The following GRIN2A variants were observed in gnomAD, a reference collection of about 807,000 sequenced individuals.
The protein encoded by GRIN2A is glutamate receptor ionotropic, NMDA 2A.
In GRIN2A, 22 loss-of-function variants were observed where a neutral mutation model predicts 113.4. The ratio of observed to expected loss-of-function variants is 0.19; its 90% CI spans 0.14 to 0.28. The LOEUF (loss-of-function observed/expected upper bound fraction) is 0.28. GRIN2A is among the 10% of genes least tolerant of loss of function. The probability of loss-of-function intolerance (pLI) is 1.00; values close to 1 mark genes in which losing one functional copy is unlikely to be tolerated. For missense variants in GRIN2A, 1,502 were observed against 1,887.0 expected (o/e 0.80, Z 3.78); for synonymous variants, 827 against 738.4 (o/e 1.12, Z -1.94).
chr16:9,899,678 A>G (rs1174400878), intron 3 of GRIN2A, among the ~76,000 whole-genome samples: 1 of 152,092 alleles, frequency 6.6e-6, no homozygotes, highest in African/African-American at 2.4e-5. Flanking sequence ...TAGGACACAA[A>G]ATAGAAATCT....
At chr16:10,002,106 G>C (rs2046330889) in intron 2 of GRIN2A, among the ~76,000 whole-genome samples, 3 of 152,152 alleles carry the variant, frequency 2.0e-5, no homozygotes. Flanking sequence ...GCTCTTACCA[G>C]GTGAACCTTG....
intron 3 of GRIN2A, among the ~76,000 whole-genome samples, chr16:9,919,674 C>T (rs1427727865): frequency 6.6e-6 from 1 of 152,224 alleles, no homozygotes; most frequent in Admixed American, 6.5e-5. Flanking sequence ...CAGTACCTTA[C>T]TTCCCCGCTA....
intron 2 of GRIN2A, among the ~76,000 whole-genome samples, chr16:10,015,995 A>C (rs2046602950): frequency 6.6e-6 from 1 of 152,028 alleles, no homozygotes; most frequent in African/African-American, 2.4e-5. Context: ...AAGTGCCTGT[A>C]ATCTCAGCTA....
intron 8 of GRIN2A, among the ~76,000 whole-genome samples, chr16:9,833,372 T>C (rs1415068517): frequency 3.9e-5 from 6 of 152,260 alleles, no homozygotes; most frequent in African/African-American, 1.4e-4. Flanking sequence ...GTTATATTTA[T>C]TGTCAAACTA....
chr16:9,848,197 T>A (rs2042810881), intron 5 of GRIN2A, among the ~76,000 whole-genome samples: 1 of 149,552 alleles, frequency 6.7e-6, no homozygotes, highest in Non-Finnish European at 1.5e-5. Context: ...ATGTATAATG[T>A]TTATATATTT....
At chr16:10,040,010 T>C (rs2047125285) in intron 2 of GRIN2A, among the ~76,000 whole-genome samples, 1 of 94,920 alleles carries the variant, frequency 1.1e-5, no homozygotes, top group Non-Finnish European at 2.5e-5. Context: ...AACACACACA[T>C]CCACACACCA....
chr16:10,078,510 G>A (rs61508637), intron 2 of GRIN2A, among the ~76,000 whole-genome samples: 1 of 151,900 alleles, frequency 6.6e-6, no homozygotes, highest in African/African-American at 2.4e-5. Flanking sequence ...TGAGATGCAG[G>A]AGGGAAGGAG....
intron 2 of GRIN2A, among the ~76,000 whole-genome samples, chr16:10,098,819 A>G (rs1035765630): frequency 6.6e-6 from 1 of 152,146 alleles, no homozygotes; most frequent in Non-Finnish European, 1.5e-5. Context: ...AAGGGTGGTG[A>G]GGAATAAAAG....
intron 3 of GRIN2A, among the ~76,000 whole-genome samples, chr16:9,920,178 C>A (rs2044332119): frequency 6.6e-6 from 1 of 152,126 alleles, no homozygotes; most frequent in Admixed American, 6.6e-5. Flanking sequence ...ATAGCAAGTG[C>A]ACAATAGCTG....
At chr16:9,843,902 C>T (rs574275401) in intron 5 of GRIN2A, among the ~76,000 whole-genome samples, 136 of 152,308 alleles carry the variant, frequency 8.9e-4, no homozygotes, top group Non-Finnish European at 1.0e-3. Context: ...AGAAATGTGT[C>T]CTAAGTACAT....
chr16:10,053,719 T>C (rs1235452117), intron 2 of GRIN2A, among the ~76,000 whole-genome samples: 1 of 152,232 alleles, frequency 6.6e-6, no homozygotes, highest in Non-Finnish European at 1.5e-5. Flanking sequence ...ACTCATGAAA[T>C]GCAGTAAAAG....
At chr16:9,936,849 G>T (rs1276426600) in intron 3 of GRIN2A, among the ~76,000 whole-genome samples, 2 of 152,198 alleles carry the variant, frequency 1.3e-5, no homozygotes, top group Non-Finnish European at 2.9e-5. Flanking sequence ...TAACATGTTG[G>T]TGAGGATGTG....
At chr16:9,846,485 C>G (rs570936048) in intron 5 of GRIN2A, among the ~76,000 whole-genome samples, 1 of 152,204 alleles carries the variant, frequency 6.6e-6, no homozygotes, top group Non-Finnish European at 1.5e-5. Flanking sequence ...GATCTGGGCA[C>G]TTGCATCTTG....
At position 9,807,152 on chromosome 16, in the gene GRIN2A, C is replaced by T. The variant is rs112994459; in HGVS notation, c.2169-8688G>A. Among the ~76,000 whole-genome samples, 17 of 144,032 alleles carry T rather than the reference C, an allele frequency of 1.2e-4. No homozygotes were observed. The East Asian group carries it at 1.8e-3, about 16-fold the overall frequency. 94.5% of individuals were successfully genotyped at this position (144,032 alleles called of 152,430 possible). On this transcript the variant is annotated intron_variant, in intron 10 of 12. Coordinates refer to ENST00000330684, the MANE Select transcript of GRIN2A (RefSeq NM_001134407.3). ...TTTTTCCTTATAAATTATCCAGTAT[C>T]GGGTATGTCTTTATCAGCAGTGTGA...
rs113827140 is a variant in GRIN2A, at chr16:9,925,942, G to A, written c.1007+12017C>T. Among the ~76,000 whole-genome samples, 963 of 152,250 alleles carry A rather than the reference G, an allele frequency of 6.3e-3. 4 individuals carry two copies. The highest frequency in any genetic ancestry group is 0.022 in the African/African-American group (926 of 41,556). ...AGATTGGAACCAAATACTTTACTAC[G>A]TTAAATGACACATTGGAAATTTTCA... On this transcript the variant is annotated intron_variant, in intron 3 of 12. Transcript: ENST00000330684.
At chr16:9,816,513 A>T (rs2141281899) in intron 10 of GRIN2A, among the ~76,000 whole-genome samples, 1 of 152,232 alleles carries the variant, frequency 6.6e-6, no homozygotes, top group East Asian at 1.9e-4. Context: ...AAAAACACAA[A>T]CTATCCCACT....
Position 9,891,104 on chromosome 16 carries a change from G to A in GRIN2A, c.1008-4C>T, listed in dbSNP as rs778535116. 6.4e-7 allele frequency: 1 copy of A among 1,568,862 alleles called. No homozygotes were observed. The highest frequency in any genetic ancestry group is 1.1e-5 in the South Asian group (1 of 90,144). ...CCATGTAACATTGACCATAAATCTAGAAAGGGGAAGAGAGAAAGACAAATT... is the reference window on the plus strand; with the variant it reads ...CCATGTAACATTGACCATAAATCTAAAAAGGGGAAGAGAGAAAGACAAATT... On this transcript the variant is annotated splice_region_variant and splice_polypyrimidine_tract_variant and intron_variant, in intron 3 of 12. Transcript: ENST00000330684.
chr16:10,045,801 C>T (rs148295297), intron 2 of GRIN2A, among the ~76,000 whole-genome samples: 2 of 152,218 alleles, frequency 1.3e-5, no homozygotes, highest in African/African-American at 4.8e-5. Context: ...ATGGAGTCCT[C>T]ATTTTGTTCA....
At chr16:10,022,978 T>C (rs1388317579) in intron 2 of GRIN2A, among the ~76,000 whole-genome samples, 1 of 152,226 alleles carries the variant, frequency 6.6e-6, no homozygotes, top group African/African-American at 2.4e-5. Context: ...GCTCAGTTTG[T>C]AGATTAACAC....
Sources: allele counts gnomAD v4.1 joint callset (sites outside exome capture counted in the v4.1 genomes callset), GRCh38; gene constraint gnomAD v4.1.1; transcripts MANE v1.5; gene names NCBI Gene and HGNC (gene_info 2026-07-23, HGNC 2026-07-21).